The following CARS2 variants were observed in gnomAD, a reference collection of about 807,000 sequenced individuals.
The protein encoded by CARS2 is probable cysteine--tRNA ligase, mitochondrial.
In CARS2, 52 loss-of-function variants were observed where a neutral mutation model predicts 68.8. The ratio of observed to expected loss-of-function variants is 0.76; its 90% CI spans 0.61 to 0.95. CARS2 has a LOEUF of 0.95. Among genes scored for constraint, CARS2 ranks in the 40% least tolerant of loss-of-function variants. The probability of loss-of-function intolerance (pLI) is 0.00; values close to 1 mark genes in which losing one functional copy is unlikely to be tolerated. For missense variants in CARS2, 780 were observed against 754.2 expected (o/e 1.03, Z -0.40); for synonymous variants, 314 against 303.6 (o/e 1.03, Z -0.36).
chr13:110,655,940 A>G (rs967637616), intron 9 of CARS2, among the ~76,000 whole-genome samples: 6 of 152,252 alleles, frequency 3.9e-5, no homozygotes, highest in African/African-American at 1.4e-4. Context: ...GGCGGGCTCC[A>G]GGCCAGCCTT....
At chr13:110,661,252 A>C (rs1430296650) in intron 9 of CARS2, among the ~76,000 whole-genome samples, 1 of 152,212 alleles carries the variant, frequency 6.6e-6, no homozygotes, top group Admixed American at 6.5e-5. Flanking sequence ...AGGCAATTTC[A>C]TCTACATTCG....
intron 9 of CARS2, among the ~76,000 whole-genome samples, chr13:110,656,855 G>C: frequency 6.6e-6 from 1 of 151,180 alleles, no homozygotes. Context: ...CTGCACTCCA[G>C]CCTGGGCGAC....
intron 9 of CARS2, 133 bp from the exon 10 acceptor site, chr13:110,651,233 GC>G: frequency 1.7e-6 from 1 of 603,174 alleles, no homozygotes; most frequent in Non-Finnish European, 2.8e-6. Flanking sequence ...ATGAAAATGA[GC>G]CCTCCAAACT....
At chr13:110,685,992 G>GAAAAAA (rs10668818) in intron 5 of CARS2, among the ~76,000 whole-genome samples, 1 of 128,812 alleles carries the variant, frequency 7.8e-6, no homozygotes. Context: ...CAGAAAAAAT[G>GAAAAAA]AAAAAAAAAA....
In CARS2 at chr13:110,670,509, A is replaced by C. The variant is rs1370474588; in HGVS notation, c.786-3036T>G. The stretch of plus-strand genomic sequence containing the variant: ...GCTGAGGGTCCTGACTGTTAGAAGG[A>C]AAACTAACAAACAGAAAGGACATCC... On this transcript the variant is annotated intron_variant, in intron 7 of 14. Coordinates refer to ENST00000257347, the MANE Select transcript of CARS2 (RefSeq NM_024537.4). This position sits in a 1 kb window ranked among gnomAD's most constrained non-coding sequence, Gnocchi z 4.1. 6.6e-6 allele frequency among the ~76,000 whole-genome samples: 1 copy of C among 152,232 alleles called. No individual in the cohort carries two copies. Among genetic ancestry groups the C allele is most frequent in the East Asian group, 1.9e-4 (1 of 5,204 alleles).
intron 9 of CARS2, among the ~76,000 whole-genome samples, chr13:110,651,899 G>T (rs550095410): frequency 6.6e-6 from 1 of 152,256 alleles, no homozygotes; most frequent in East Asian, 1.9e-4. Flanking sequence ...AGAGAAGGAA[G>T]AGGGCTCTGC....
At chr13:110,654,156 C>G (rs2062300849) in intron 9 of CARS2, among the ~76,000 whole-genome samples, 1 of 152,210 alleles carries the variant, frequency 6.6e-6, no homozygotes, top group Admixed American at 6.5e-5. Context: ...CGAGGGACTT[C>G]CTATGATGCC....
In CARS2 at chr13:110,644,516, A is replaced by G. The variant is rs200984310; in HGVS notation, c.1318-33T>C. On this transcript the variant is annotated intron_variant, in intron 12 of 14. Coordinates refer to ENST00000257347, the MANE Select transcript of CARS2 (RefSeq NM_024537.4). ...AGATCATGTCGCAGAAGCTCCTTAA[A>G]AGCAGTCTTGATGGCAGTGGGCAAA... 73 of 1,613,082 alleles carry G rather than the reference A, an allele frequency of 4.5e-5. 1 individual carries two copies. In the African/African-American group the frequency reaches 6.0e-4, roughly 13 times the overall value.
chr13:110,697,950 C>T (rs1332747242), intron 3 of CARS2: 2 of 455,842 alleles, frequency 4.4e-6, no homozygotes, highest in Non-Finnish European at 4.4e-6. Context: ...GACCTCACAC[C>T]ATTCCTTTGA....
rs772844727 is a variant in CARS2, at chr13:110,676,960, G to A, written c.785+14C>T. ...ACTTGAGCCCCAACCCCCAGGAAGC[G>A]GCAGGCACCTTACCTAGCGATGGCA... On this transcript the variant is annotated intron_variant, in intron 7 of 14. Transcript: ENST00000257347. This position sits in a 1 kb window ranked among gnomAD's most constrained non-coding sequence, Gnocchi z 4.0. 1.2e-5 allele frequency: 18 copies of A among 1,527,734 alleles called. No individual in the cohort carries two copies. Among genetic ancestry groups the A allele is most frequent in the South Asian group, 6.2e-5 (5 of 81,158 alleles). The allele number at this position is 1,527,734 out of a possible 1,614,324, so 94.6% of individuals were successfully genotyped here.
At chr13:110,645,885 G>C in intron 12 of CARS2, 82 bp downstream of exon 12, 1 of 1,519,720 alleles carries the variant, frequency 6.6e-7, no homozygotes, top group Non-Finnish European at 8.9e-7. Flanking sequence ...ATGCCACCCA[G>C]CCGACATGAG....
In CARS2 at chr13:110,668,845, T is replaced by C. The variant is rs1167540076; in HGVS notation, c.786-1372A>G. Among the ~76,000 whole-genome samples, 1 of 152,214 alleles carries C rather than the reference T, an allele frequency of 6.6e-6. No homozygotes were observed. Among genetic ancestry groups the C allele is most frequent in the African/African-American group, 2.4e-5 (1 of 41,440 alleles). On this transcript the variant is annotated intron_variant, in intron 7 of 14. Coordinates refer to ENST00000257347, the MANE Select transcript of CARS2 (RefSeq NM_024537.4). This position sits in a 1 kb window ranked among gnomAD's most constrained non-coding sequence, Gnocchi z 4.1. ...GGCTCAGAAGGAACAACAATAATGG[T>C]CTCTTCATTATTTAATCTTTCAACA...
Position 110,705,742 on chromosome 13 carries a change from C to A in CARS2, c.224+128G>T. The A allele has an allele frequency of 6.5e-7, 1 of 1,537,334 alleles. No individual in the cohort carries two copies. Among genetic ancestry groups the A allele is most frequent in the South Asian group, 1.2e-5 (1 of 83,552 alleles). On this transcript the variant is annotated intron_variant, in intron 1 of 14. Transcript: ENST00000257347. The surrounding 1 kb of genome is among the most constrained non-coding windows in gnomAD (Gnocchi z 4.0). ...CAAACCTGCAAAAGCACCGCGCACC[C>A]CCAGCTTCTAGAACGGCGCCCTCCA...
Position 110,660,847 on chromosome 13 carries a change from C to T in CARS2, c.987+2604G>A, listed in dbSNP as rs139710966. On this transcript the variant is annotated intron_variant, in intron 9 of 14. Coordinates refer to ENST00000257347, the MANE Select transcript of CARS2 (RefSeq NM_024537.4). ...CACAATCTCAGCTCACTGCAACCTC[C>T]GCCTCCCAGGTTCAAGTGATTCTCC... Among the ~76,000 whole-genome samples the T allele has an allele frequency of 5.4e-3, 806 of 150,494 alleles. 18 individuals are homozygous for T. The South Asian group carries it at 0.057, about 11-fold the overall frequency.
intron 3 of CARS2, among the ~76,000 whole-genome samples, chr13:110,691,773 A>C (rs936315881): frequency 6.6e-6 from 1 of 151,956 alleles, no homozygotes; most frequent in Non-Finnish European, 1.5e-5. Flanking sequence ...ACAGGTGTTT[A>C]ATTTCTGCAG....
intron 6 of CARS2, among the ~76,000 whole-genome samples, chr13:110,681,968 G>A (rs1342355328): frequency 6.6e-6 from 1 of 152,202 alleles, no homozygotes; most frequent in East Asian, 1.9e-4. Context: ...GGCAGTGCAA[G>A]TATCCTGCGT....
In CARS2 at chr13:110,683,095, T is replaced by A; in HGVS notation, c.611A>T (p.Tyr204Phe). The change falls in exon 6 of 15, where the codon TAT becomes TTT. Residue 204 changes from tyrosine to phenylalanine, a missense_variant. Transcript: ENST00000257347. ...YFDLKSRGDK[Y>F]GKLVGVVPGP... ...AGGGACCACGCCGACCAATTTGCCA[T>A]ACTTGTCTCCTCTAGACTTCAGATC... 1 of 1,602,942 alleles carries A rather than the reference T, an allele frequency of 6.2e-7. No individual in the cohort carries two copies. The highest frequency in any genetic ancestry group is 8.5e-7 in the Non-Finnish European group (1 of 1,176,180).
chr13:110,678,368 C>T (rs2063034175), intron 6 of CARS2, among the ~76,000 whole-genome samples: 1 of 152,178 alleles, frequency 6.6e-6, no homozygotes, highest in African/African-American at 2.4e-5. Context: ...CTCACCAAAA[C>T]CTGCTGTCCC....
At position 110,641,627 on chromosome 13, in the gene CARS2, G is replaced by T; in HGVS notation, c.1624-19C>A. On this transcript the variant is annotated intron_variant, in intron 14 of 14. Transcript: ENST00000257347. ...TTCTGTCCTGGAGAAGAAGAGTGAGGTCCAACTCTGAGCAGACACCACGTC... is the reference window on the plus strand; with the variant it reads ...TTCTGTCCTGGAGAAGAAGAGTGAGTTCCAACTCTGAGCAGACACCACGTC... The T allele has an allele frequency of 1.3e-6, 2 of 1,598,446 alleles. No homozygotes were observed. The highest frequency in any genetic ancestry group is 1.7e-6 in the Non-Finnish European group (2 of 1,166,348).
Sources: gnomAD v4.1 joint callset for allele counts (sites outside exome capture counted in the v4.1 genomes callset) on GRCh38, gnomAD v4.1.1 for gene constraint, Gnocchi (gnomAD v3.1) non-coding constraint, MANE v1.5 for transcripts, NCBI Gene and HGNC (gene_info 2026-07-23, HGNC 2026-07-21) for gene names.